Variants in LRMDA observed in about 807,000 individuals in gnomAD.
LRMDA encodes the protein leucine-rich melanocyte differentiation-associated protein.
A neutral mutation model predicts 29.8 loss-of-function variants in LRMDA; 18 were observed. That is an observed-to-expected ratio of 0.60 (90% confidence interval 0.42 to 0.90). The LOEUF (loss-of-function observed/expected upper bound fraction) is 0.90, where lower values mean the gene tolerates loss of function less well. LRMDA is among the 40% of genes least tolerant of loss of function. The probability of loss-of-function intolerance (pLI) is 0.00; values close to 1 mark genes in which losing one functional copy is unlikely to be tolerated. For missense variants in LRMDA, 273 were observed against 273.9 expected (o/e 1.00, Z 0.02); for synonymous variants, 125 against 109.4 (o/e 1.14, Z -0.89).
chr10:76,413,478 A>G (rs892344918), intron 6 of LRMDA, among the ~76,000 whole-genome samples: 18 of 152,168 alleles, frequency 1.2e-4, no homozygotes, highest in Admixed American at 9.2e-4. Flanking sequence ...AATCCCTTAC[A>G]AAACCATCAG....
At chr10:75,569,257 G>C (rs184667062) in intron 2 of LRMDA, among the ~76,000 whole-genome samples, 28 of 152,314 alleles carry the variant, frequency 1.8e-4, no homozygotes, top group Non-Finnish European at 2.9e-5. Flanking sequence ...GTGGTGTTGA[G>C]AGGTCAAACC....
At chr10:76,491,377 C>T (rs1272262723) in intron 6 of LRMDA, among the ~76,000 whole-genome samples, 1 of 151,888 alleles carries the variant, frequency 6.6e-6, no homozygotes, top group Non-Finnish European at 1.5e-5. Flanking sequence ...TTGATGAAAT[C>T]CCTCAGCTTT....
chr10:75,920,273 A>G, intron 2 of LRMDA, among the ~76,000 whole-genome samples: 1 of 152,054 alleles, frequency 6.6e-6, no homozygotes, highest in Non-Finnish European at 1.5e-5. Flanking sequence ...ATTTGAGATT[A>G]CCCCCAGGAC....
chr10:75,983,363 T>C (rs568005137), intron 2 of LRMDA, among the ~76,000 whole-genome samples: 153 of 152,362 alleles, frequency 1.0e-3, no homozygotes, highest in Non-Finnish European at 1.9e-3. Flanking sequence ...TTTCCATCTC[T>C]TCTCTCGAAA....
At chr10:75,542,678 G>C (rs1840032127) in intron 2 of LRMDA, among the ~76,000 whole-genome samples, 2 of 152,192 alleles carry the variant, frequency 1.3e-5, no homozygotes, top group Admixed American at 6.5e-5. Flanking sequence ...TTTCTAGCCA[G>C]CCTAAAATTC....
At chr10:75,774,675 T>C (rs1843286882) in intron 2 of LRMDA, among the ~76,000 whole-genome samples, 2 of 152,170 alleles carry the variant, frequency 1.3e-5, no homozygotes, top group Admixed American at 6.6e-5. Context: ...AATAAACTAG[T>C]GATCAGTAGC....
chr10:75,524,831 G>A (rs935209866), intron 2 of LRMDA, among the ~76,000 whole-genome samples: 1 of 152,140 alleles, frequency 6.6e-6, no homozygotes, highest in African/African-American at 2.4e-5. Flanking sequence ...TACTTGAGAT[G>A]TGCAAGCTGA....
intron 2 of LRMDA, among the ~76,000 whole-genome samples, chr10:75,524,937 G>A (rs562319024): frequency 6.6e-6 from 1 of 152,304 alleles, no homozygotes; most frequent in East Asian, 1.9e-4. Flanking sequence ...AGATGATTGA[G>A]TCCAGTGGTG....
At chr10:76,306,546 A>G (rs1840558730) in intron 5 of LRMDA, among the ~76,000 whole-genome samples, 1 of 152,184 alleles carries the variant, frequency 6.6e-6, no homozygotes, top group Non-Finnish European at 1.5e-5. Context: ...TCCAGGACAC[A>G]TTGTCCTCAT....
chr10:75,901,564 A>G (rs1217397187), intron 2 of LRMDA, among the ~76,000 whole-genome samples: 1 of 152,218 alleles, frequency 6.6e-6, no homozygotes, highest in Non-Finnish European at 1.5e-5. Context: ...TAACAAAGAA[A>G]TGTCATGTGA....
chr10:76,000,059 G>T (rs1236214614), intron 2 of LRMDA, among the ~76,000 whole-genome samples: 1 of 152,072 alleles, frequency 6.6e-6, no homozygotes. Flanking sequence ...CATTCTCCTT[G>T]TTGTGGGATT....
chr10:76,438,722 G>A (rs1236587053), intron 6 of LRMDA: 3 of 152,212 alleles, frequency 2.0e-5, no homozygotes, highest in African/African-American at 7.2e-5. Context: ...GACATAAAAT[G>A]TAATGGGAAG....
intron 2 of LRMDA, among the ~76,000 whole-genome samples, chr10:75,719,200 A>G (rs1842537140): frequency 6.6e-6 from 1 of 152,206 alleles, no homozygotes; most frequent in Non-Finnish European, 1.5e-5. Context: ...CATATGTACT[A>G]CTGAGTTTAA....
At chr10:75,980,889 T>A (rs1414088000) in intron 2 of LRMDA, among the ~76,000 whole-genome samples, 1 of 152,200 alleles carries the variant, frequency 6.6e-6, no homozygotes, top group Non-Finnish European at 1.5e-5. Flanking sequence ...AACTAGTCAA[T>A]ACTGCTTCTA....
At chr10:75,908,287 A>T (rs1431520508) in intron 2 of LRMDA, among the ~76,000 whole-genome samples, 5 of 152,166 alleles carry the variant, frequency 3.3e-5, no homozygotes, top group Non-Finnish European at 5.9e-5. Flanking sequence ...TTCTCTGCAC[A>T]TCATGTGCTA....
At chr10:76,282,816 T>G (rs867548875) in intron 5 of LRMDA, among the ~76,000 whole-genome samples, 5 of 152,290 alleles carry the variant, frequency 3.3e-5, no homozygotes, top group African/African-American at 1.2e-4. Flanking sequence ...CTTCGTGTCT[T>G]TGTGCCAGCT....
chr10:76,007,025 TGTGTGTGCGC>T (rs1564628433), intron 2 of LRMDA, among the ~76,000 whole-genome samples: 1 of 27,474 alleles, frequency 3.6e-5, no homozygotes, highest in African/African-American at 8.7e-5. Flanking sequence ...TGTGTGTGTG[TGTGTGTGCGC>T]GTGTGTGTTT....
chr10:75,793,928 G>A (rs1366709670), intron 2 of LRMDA, among the ~76,000 whole-genome samples: 1 of 152,228 alleles, frequency 6.6e-6, no homozygotes, highest in Non-Finnish European at 1.5e-5. Flanking sequence ...TATGGACCAT[G>A]CAGTCTCTGT....
chr10:76,531,572 A>G (rs1376648171), intron 6 of LRMDA, among the ~76,000 whole-genome samples: 1 of 152,152 alleles, frequency 6.6e-6, no homozygotes, highest in South Asian at 2.1e-4. Flanking sequence ...ATTGGTTGAT[A>G]TAAATATATC....
Sources: gnomAD v4.1 joint callset for allele counts (sites outside exome capture counted in the v4.1 genomes callset) on GRCh38, gnomAD v4.1.1 for gene constraint, MANE v1.5 for transcripts, NCBI Gene and HGNC (gene_info 2026-07-23, HGNC 2026-07-21) for gene names.